HOATZ: variants seen among roughly 807,000 people sequenced by gnomAD.
HOATZ encodes cilia- and flagella-associated protein HOATZ.
In HOATZ, 26 loss-of-function variants were observed where a neutral mutation model predicts 24.9. The observed-to-expected ratio is 1.04, with a 90% CI of 0.76 to 1.45. HOATZ has a LOEUF of 1.45. Among genes scored for constraint, HOATZ ranks in the 40% most tolerant of loss-of-function variants. The pLI, the probability that HOATZ is intolerant of heterozygous loss-of-function variation, is 0.00. For missense variants in HOATZ, 226 were observed against 201.5 expected (o/e 1.12, Z -0.74); for synonymous variants, 83 against 76.6 (o/e 1.08, Z -0.43).
At position 111,515,529 on chromosome 11, in the gene HOATZ, A is replaced by C. The variant is rs1867180758; in HGVS notation, c.245A>C (p.Gln82Pro). 1 of 1,613,568 alleles carries C rather than the reference A, an allele frequency of 6.2e-7. No homozygotes were observed. The highest frequency in any genetic ancestry group is 8.5e-7 in the Non-Finnish European group (1 of 1,179,642). The stretch of plus-strand genomic sequence containing the variant: ...TTTTTAGAAAACAGCCACTCCTCGC[A>C]GTCTTTTCACCTTGCGAGTAACAGT... ...SRGSENSHSS[Q>P]SFHLASNKNR... The change falls in exon 2 of 6, where the codon CAG becomes CCG. Residue 82 changes from glutamine (Q) to proline (P), a missense_variant. Transcript: ENST00000375618.
intron 3 of HOATZ, chr11:111,524,871 C>CT (rs372073113): frequency 5.3e-4 from 229 of 432,698 alleles, no homozygotes; most frequent in African/African-American, 1.8e-3. Context: ...TTTTTCTTTT[C>CT]TTTTTTTTTA....
At chr11:111,519,060 A>G (rs1294166790) in intron 3 of HOATZ, 3 of 455,980 alleles carry the variant, frequency 6.6e-6, no homozygotes, top group African/African-American at 6.0e-5. Context: ...ATGGGTTTGG[A>G]AGCCTAACTC....
At chr11:111,515,582 T>TAA (rs1867182958) in intron 2 of HOATZ, 30 bp downstream of exon 2, 2 of 1,572,476 alleles carry the variant, frequency 1.3e-6, no homozygotes, top group African/African-American at 2.7e-5. Context: ...CCTTTCAACA[T>TAA]TCTGACTCCT....
chr11:111,515,630 T>C (rs1867185004), intron 2 of HOATZ, 78 bp downstream of exon 2: 9 of 1,184,296 alleles, frequency 7.6e-6, no homozygotes, highest in Non-Finnish European at 1.1e-5. Context: ...ACAAGGGTAC[T>C]ACTTTACACT....
At chr11:111,515,791 T>G (rs1249209639) in intron 2 of HOATZ, among the ~76,000 whole-genome samples, 1 of 152,206 alleles carries the variant, frequency 6.6e-6, no homozygotes, top group Non-Finnish European at 1.5e-5. Context: ...TTTCGAGACT[T>G]TTTCTTGTCT....
intron 3 of HOATZ, among the ~76,000 whole-genome samples, chr11:111,529,964 A>G (rs1229251895): frequency 3.9e-5 from 6 of 152,166 alleles, no homozygotes; most frequent in Non-Finnish European, 7.3e-5. Flanking sequence ...CATAGGTCAG[A>G]GGTTGAATCG....
chr11:111,531,672 A>C (rs895765158), intron 3 of HOATZ, among the ~76,000 whole-genome samples: 1 of 152,250 alleles, frequency 6.6e-6, no homozygotes, highest in Admixed American at 6.5e-5. Context: ...TAACTGTGAT[A>C]TATGATGCCT....
chr11:111,523,499 T>C (rs1867295443), intron 3 of HOATZ, among the ~76,000 whole-genome samples: 1 of 152,166 alleles, frequency 6.6e-6, no homozygotes, highest in Non-Finnish European at 1.5e-5. Flanking sequence ...AATGGTTTAG[T>C]ATTCACTGAT....
At chr11:111,526,044 T>C (rs1867335335) in intron 3 of HOATZ, among the ~76,000 whole-genome samples, 1 of 152,160 alleles carries the variant, frequency 6.6e-6, no homozygotes, top group African/African-American at 2.4e-5. Context: ...TTAACCAGAC[T>C]GAGATTTGAA....
chr11:111,514,997 G>A lies in HOATZ; in HGVS notation c.213G>A (p.Arg71=), dbSNP rs1867163080. 6.2e-7 allele frequency: 1 copy of A among 1,612,750 alleles called. No individual in the cohort carries two copies. Among genetic ancestry groups the A allele is most frequent in the Non-Finnish European group, 8.5e-7 (1 of 1,179,826 alleles). Residue 71 remains arginine (R), a synonymous_variant, in exon 1 of 6, where the codon AGG becomes AGA. Coordinates refer to ENST00000375618, the MANE Select transcript of HOATZ (RefSeq NM_001100388.2). ...GTCTGCCGGTGGCGCGGCCCAGGAG[G>A]AGCAGAGGGTCTGGTGAGTAGAATA... ...SQRLPVARPR[R]SRGSENSHSS... is the part of the protein sequence containing the mutation.
chr11:111,524,380 A>G (rs936359145), intron 3 of HOATZ, among the ~76,000 whole-genome samples: 3 of 152,230 alleles, frequency 2.0e-5, no homozygotes, highest in Non-Finnish European at 4.4e-5. Flanking sequence ...ATAGACGTTC[A>G]AAAACATTAT....
chr11:111,528,279 G>A (rs1867360727), intron 3 of HOATZ, among the ~76,000 whole-genome samples: 1 of 152,194 alleles, frequency 6.6e-6, no homozygotes, highest in Admixed American at 6.5e-5. Flanking sequence ...GGTGGAGGTG[G>A]CAGTGAGCCC....
At chr11:111,533,148 G>A (rs990063781) in intron 3 of HOATZ, among the ~76,000 whole-genome samples, 19 of 152,180 alleles carry the variant, frequency 1.2e-4, no homozygotes, top group Admixed American at 5.2e-4. Flanking sequence ...CTGTGCAAGC[G>A]GCATGCTGTT....
intron 5 of HOATZ, chr11:111,535,586 T>A (rs1555015646): frequency 6.6e-6 from 1 of 152,234 alleles, no homozygotes; most frequent in Non-Finnish European, 1.5e-5. Context: ...ACTAACTTTG[T>A]CCTACATCCT....
At chr11:111,516,716 T>TA (rs377236052) in intron 3 of HOATZ, among the ~76,000 whole-genome samples, 16 of 151,232 alleles carry the variant, frequency 1.1e-4, no homozygotes, top group African/African-American at 9.7e-5. Context: ...GACACAGTCT[T>TA]AAAAAAAAAT....
chr11:111,530,268 T>G (rs1867381072), intron 3 of HOATZ, among the ~76,000 whole-genome samples: 2 of 152,332 alleles, frequency 1.3e-5, no homozygotes, highest in South Asian at 4.1e-4. Flanking sequence ...ACTGCATAGT[T>G]GTGGTGGGGA....
chr11:111,533,054 A>G (rs1249201235), intron 3 of HOATZ, among the ~76,000 whole-genome samples: 1 of 152,224 alleles, frequency 6.6e-6, no homozygotes, highest in Non-Finnish European at 1.5e-5. Flanking sequence ...AGTTTTTTGC[A>G]CTTAGGAAAA....
At chr11:111,522,163 T>G (rs947823521) in intron 3 of HOATZ, among the ~76,000 whole-genome samples, 1 of 152,216 alleles carries the variant, frequency 6.6e-6, no homozygotes, top group Non-Finnish European at 1.5e-5. Context: ...CTTTAAACGC[T>G]GAGATAATAT....
chr11:111,532,469 G>A (rs760996970), intron 3 of HOATZ, among the ~76,000 whole-genome samples: 2 of 152,170 alleles, frequency 1.3e-5, no homozygotes, highest in African/African-American at 4.8e-5. Context: ...CAATTGCCAC[G>A]TGAAGACAGA....
Sources: allele counts gnomAD v4.1 joint callset (sites outside exome capture counted in the v4.1 genomes callset), GRCh38; gene constraint gnomAD v4.1.1; transcripts MANE v1.5; gene names NCBI Gene and HGNC (gene_info 2026-07-23, HGNC 2026-07-21).